Variants in NSRP1 observed in about 807,000 individuals in gnomAD.
NSRP1 encodes the protein coiled-coil domain containing 55.
In NSRP1, 24 loss-of-function variants were observed where a neutral mutation model predicts 54.7. The ratio of observed to expected loss-of-function variants is 0.44; its 90% CI spans 0.32 to 0.62. The LOEUF is 0.62. Ranked by LOEUF, NSRP1 falls within the 20% of genes least tolerant of loss-of-function variation. NSRP1 has a pLI of 0.06. For missense variants in NSRP1, 596 were observed against 651.2 expected (o/e 0.92, Z 0.92); for synonymous variants, 210 against 213.8 (o/e 0.98, Z 0.15).
intron 1 of NSRP1, 142 bp downstream of exon 1, chr17:30,117,005 G>A (rs2071540053): frequency 1.9e-6 from 2 of 1,071,164 alleles, no homozygotes; most frequent in African/African-American, 1.6e-5. Flanking sequence ...GAAGTCCTGA[G>A]GAACATAGAT....
chr17:30,174,094 G>A (rs910435416), intron 3 of NSRP1, among the ~76,000 whole-genome samples: 1 of 152,134 alleles, frequency 6.6e-6, no homozygotes, highest in African/African-American at 2.4e-5. Flanking sequence ...GGAGAGTTGG[G>A]TAACTTATCC....
At position 30,184,896 on chromosome 17, in the gene NSRP1, C is replaced by T. The variant is rs1905458721; in HGVS notation, c.899C>T (p.Thr300Ile). 6.2e-7 allele frequency: 1 copy of T among 1,613,968 alleles called. No homozygotes were observed. The highest frequency in any genetic ancestry group is 1.3e-5 in the African/African-American group (1 of 74,984). The change falls in exon 7 of 7, where the codon ACC (threonine) becomes ATC (isoleucine). Residue 300 changes from threonine (T) to isoleucine (I), a missense_variant. Physicochemically the swap from Thr to Ile is moderately conservative, Grantham distance 89 (BLOSUM62 -1). Coordinates refer to ENST00000247026, the MANE Select transcript of NSRP1 (RefSeq NM_032141.4). ...RSPSEERGHS[T>I]RHHTKGSRTS... Reference sequence around the variant, plus strand: ...CCTAGTGAAGAAAGAGGGCACAGTACCAGGCACCACACGAAAGGATCACGA... The same window carrying T: ...CCTAGTGAAGAAAGAGGGCACAGTATCAGGCACCACACGAAAGGATCACGA...
At chr17:30,182,242 A>G (rs1352098055) in intron 6 of NSRP1, among the ~76,000 whole-genome samples, 1 of 152,182 alleles carries the variant, frequency 6.6e-6, no homozygotes, top group Non-Finnish European at 1.5e-5. Context: ...GTTTGTTTTC[A>G]TAAATAGAAC....
chr17:30,185,148 G>A lies in NSRP1; in HGVS notation c.1151G>A (p.Arg384Lys). 1.9e-6 allele frequency: 3 copies of A among 1,595,728 alleles called. No homozygotes were observed. The highest frequency in any genetic ancestry group is 2.6e-6 in the Non-Finnish European group (3 of 1,170,634). Reference protein sequence around the residue: ...SDRVWKREKDREKYSQREQER... With the variant: ...SDRVWKREKDKEKYSQREQER... ...AGAGTATGGAAAAGGGAGAAAGATAGGGAGAAATATTCCCAAAGAGAACAA... is the reference window on the plus strand; with the variant it reads ...AGAGTATGGAAAAGGGAGAAAGATAAGGAGAAATATTCCCAAAGAGAACAA... Residue 384 changes from arginine to lysine, a missense_variant, in exon 7 of 7, where the codon AGG becomes AAG. Transcript: ENST00000247026.
chr17:30,133,208 T>G (rs2071718016), intron 2 of NSRP1, among the ~76,000 whole-genome samples: 1 of 151,432 alleles, frequency 6.6e-6, no homozygotes, highest in Non-Finnish European at 1.5e-5. Context: ...CTGCCTTGGC[T>G]TCCCAAAGTG....
intron 2 of NSRP1, among the ~76,000 whole-genome samples, chr17:30,120,526 C>T (rs941005820): frequency 5.9e-5 from 9 of 152,156 alleles, no homozygotes; most frequent in Non-Finnish European, 1.2e-4. Flanking sequence ...TTATGTGGTA[C>T]GCTTTAACAG....
At chr17:30,154,146 C>T (rs867675632) in intron 2 of NSRP1, among the ~76,000 whole-genome samples, 1 of 151,702 alleles carries the variant, frequency 6.6e-6, no homozygotes, top group African/African-American at 2.4e-5. Context: ...CATACTGAGA[C>T]CCCATCTCTA....
At chr17:30,171,463 T>C (rs1352444062) in intron 2 of NSRP1, among the ~76,000 whole-genome samples, 1 of 151,134 alleles carries the variant, frequency 6.6e-6, no homozygotes, top group Non-Finnish European at 1.5e-5. Flanking sequence ...GCTCCAACAC[T>C]CCCGGCTCAT....
chr17:30,184,752 C>T lies in NSRP1; in HGVS notation c.755C>T (p.Ala252Val). ...CCAGATGCAGACAGTGACTTCGATG[C>T]TAAGAGCAGTGCGGATGATGAAATA... ...ENPDADSDFD[A>V]KSSADDEIEE... Residue 252 changes from alanine to valine, a missense_variant, in exon 7 of 7, where the codon GCT becomes GTT. By Grantham distance (64) the Ala-to-Val change is moderately conservative. Coordinates refer to ENST00000247026, the MANE Select transcript of NSRP1 (RefSeq NM_032141.4). 1 of 1,614,020 alleles carries T rather than the reference C, an allele frequency of 6.2e-7. No individual in the cohort carries two copies. Among genetic ancestry groups the T allele is most frequent in the South Asian group, 1.1e-5 (1 of 91,048 alleles).
intron 2 of NSRP1, among the ~76,000 whole-genome samples, chr17:30,131,165 A>G (rs2071696380): frequency 6.6e-6 from 1 of 152,184 alleles, no homozygotes; most frequent in African/African-American, 2.4e-5. Flanking sequence ...AACTTTTGTC[A>G]GTGTTTCAGT....
chr17:30,150,401 GA>G (rs1202225843), intron 2 of NSRP1: 2 of 111,128 alleles, frequency 1.8e-5, no homozygotes, highest in African/African-American at 7.0e-5. Context: ...TTTTTTTTTT[GA>G]GACGGAGTCT....
rs775515026 is a variant in NSRP1, at chr17:30,185,361, A to G, written c.1364A>G (p.Glu455Gly). The G allele has an allele frequency of 8.1e-6, 13 of 1,612,334 alleles. No individual in the cohort carries two copies. The highest frequency in any genetic ancestry group is 1.1e-5 in the Non-Finnish European group (13 of 1,179,582). The part of the protein sequence containing the change: ...QSSERNQDRK[E>G]SSPNSRAKDK... Reference sequence around the variant, plus strand: ...TCAGAAAGAAATCAAGACAGAAAGGAAAGCAGCCCAAATTCTAGGGCAAAG... The same window carrying G: ...TCAGAAAGAAATCAAGACAGAAAGGGAAGCAGCCCAAATTCTAGGGCAAAG... Residue 455 changes from glutamate to glycine, a missense_variant, in exon 7 of 7, where the codon GAA becomes GGA. By Grantham distance (98) the Glu-to-Gly change is moderately conservative. Coordinates refer to ENST00000247026, the MANE Select transcript of NSRP1 (RefSeq NM_032141.4).
At chr17:30,171,961 CACA>C (rs1904949013) in intron 2 of NSRP1, among the ~76,000 whole-genome samples, 1 of 136,246 alleles carries the variant, frequency 7.3e-6, no homozygotes, top group African/African-American at 2.8e-5. Context: ...CACACACACA[CACA>C]CACACACACT....
chr17:30,154,010 A>G (rs1238971104), intron 2 of NSRP1, among the ~76,000 whole-genome samples: 1 of 152,016 alleles, frequency 6.6e-6, no homozygotes, highest in Non-Finnish European at 1.5e-5. Flanking sequence ...TTTTTGTCTT[A>G]TTTTAAAAGA....
intron 5 of NSRP1, among the ~76,000 whole-genome samples, chr17:30,179,569 A>G (rs1905234940): frequency 1.3e-5 from 2 of 152,200 alleles, no homozygotes; most frequent in Admixed American, 6.5e-5. Context: ...TTAGAACATG[A>G]TCTGAAATGT....
In NSRP1 at chr17:30,175,950, C is replaced by T. The variant is rs191398436; in HGVS notation, c.172-2121C>T. 6.6e-3 allele frequency among the ~76,000 whole-genome samples: 996 copies of T among 151,654 alleles called. 42 individuals are homozygous for T. The highest frequency in any genetic ancestry group is 0.06 in the Admixed American group (914 of 15,228). On this transcript the variant is annotated intron_variant, in intron 3 of 6. Coordinates refer to ENST00000247026, the MANE Select transcript of NSRP1 (RefSeq NM_032141.4). The stretch of plus-strand genomic sequence containing the variant: ...CACAGGAGGTGGAGGTTGCAGTGAG[C>T]CAAGATGGTGCCACTGCACTCCAGG...
intron 2 of NSRP1, among the ~76,000 whole-genome samples, chr17:30,159,492 C>T (rs1419145680): frequency 6.6e-6 from 1 of 152,052 alleles, no homozygotes; most frequent in Non-Finnish European, 1.5e-5. Context: ...TTGGCCAGGA[C>T]TTCCAGTATT....
intron 2 of NSRP1, among the ~76,000 whole-genome samples, chr17:30,150,961 T>C (rs2071903623): frequency 6.6e-6 from 1 of 152,136 alleles, no homozygotes; most frequent in Admixed American, 6.5e-5. Context: ...ATGCTGGGAT[T>C]ACAGGTGTGA....
intron 2 of NSRP1, among the ~76,000 whole-genome samples, chr17:30,118,776 T>C (rs1399708769): frequency 6.6e-6 from 1 of 150,998 alleles, no homozygotes; most frequent in African/African-American, 2.4e-5. Flanking sequence ...TGAAACAGTG[T>C]CTTGCTCAGT....
Sources: allele counts gnomAD v4.1 joint callset (sites outside exome capture counted in the v4.1 genomes callset), GRCh38; gene constraint gnomAD v4.1.1; transcripts MANE v1.5; gene names NCBI Gene and HGNC (gene_info 2026-07-23, HGNC 2026-07-21).